Variants in POC5 observed in about 807,000 individuals in gnomAD.
The protein encoded by POC5 is centrosomal protein POC5.
A neutral mutation model predicts 62.9 loss-of-function variants in POC5; 48 were observed. That is an observed-to-expected ratio of 0.76 (90% confidence interval 0.61 to 0.97). POC5 has a LOEUF of 0.97. Ranked by LOEUF, POC5 falls within the 50% of genes least tolerant of loss-of-function variation. The probability of loss-of-function intolerance (pLI) is 0.00; values close to 1 mark genes in which losing one functional copy is unlikely to be tolerated. For synonymous variants in POC5, 236 were observed against 228.2 expected, an observed-to-expected ratio of 1.03 and a Z score of -0.31; for missense variants, 696 against 679.5, an observed-to-expected ratio of 1.02 and a Z score of -0.27.
chr5:75,692,288 T>C, intron 7 of POC5, 108 bp downstream of exon 7: 1 of 729,482 alleles, frequency 1.4e-6, no homozygotes, highest in South Asian at 3.0e-5. Flanking sequence ...GAACATTAAA[T>C]CACAAATTCA....
At chr5:75,702,953 T>G in intron 4 of POC5, 143 bp from the exon 5 acceptor site, 1 of 647,534 alleles carries the variant, frequency 1.5e-6, no homozygotes, top group Non-Finnish European at 2.7e-6. Flanking sequence ...AGGTGTACCT[T>G]AATCTATTTT....
intron 10 of POC5, among the ~76,000 whole-genome samples, chr5:75,680,280 G>A (rs16872766): frequency 0.036 from 5,530 of 152,210 alleles, 185 homozygotes; most frequent in South Asian, 0.093. Flanking sequence ...CCTCTCAGTA[G>A]CCATGATTCT....
chr5:75,678,550 T>C (rs989939150), intron 10 of POC5, among the ~76,000 whole-genome samples: 6 of 152,216 alleles, frequency 3.9e-5, no homozygotes, highest in African/African-American at 9.6e-5. Flanking sequence ...ATAATTAATA[T>C]TATCATTACA....
intron 5 of POC5, among the ~76,000 whole-genome samples, chr5:75,696,372 G>A (rs1251859841): frequency 1.3e-5 from 2 of 152,186 alleles, no homozygotes; most frequent in South Asian, 2.1e-4. Context: ...ATCTGAGAAC[G>A]GGCAGCCTGC....
At chr5:75,676,153 A>G (rs1157696510) in intron 11 of POC5, among the ~76,000 whole-genome samples, 2 of 152,164 alleles carry the variant, frequency 1.3e-5, no homozygotes, top group Non-Finnish European at 2.9e-5. Context: ...CATCATTACT[A>G]CAAAACAAAA....
intron 1 of POC5, among the ~76,000 whole-genome samples, chr5:75,716,044 G>A (rs1742520432): frequency 6.6e-6 from 1 of 152,016 alleles, no homozygotes; most frequent in Admixed American, 6.6e-5. Flanking sequence ...TAGTCACAGT[G>A]GGCTGAAAAA....
intron 10 of POC5, among the ~76,000 whole-genome samples, chr5:75,681,451 C>T (rs766874616): frequency 2.0e-5 from 3 of 152,082 alleles, no homozygotes; most frequent in Non-Finnish European, 2.9e-5. Flanking sequence ...ATGCCATCTA[C>T]TGTTCAACTT....
Position 75,705,790 on chromosome 5 carries a change from G to T in POC5, c.224-3C>A. 6.6e-7 allele frequency: 1 copy of T among 1,522,438 alleles called. No individual in the cohort carries two copies. The highest frequency in any genetic ancestry group is 8.8e-7 in the Non-Finnish European group (1 of 1,135,266). The allele number at this position is 1,522,438 out of a possible 1,614,324, so 94.3% of individuals were successfully genotyped here. ...TTCTCTTACTTCAGAGTTATTTCCT[G>T]CCAAAAAGAAAGCTTTTTAAAATTA... On this transcript the variant is annotated splice_polypyrimidine_tract_variant and splice_region_variant and intron_variant, in intron 3 of 11. Transcript: ENST00000428202.
chr5:75,708,726 A>G (rs1777223162), intron 2 of POC5, among the ~76,000 whole-genome samples: 1 of 152,186 alleles, frequency 6.6e-6, no homozygotes, highest in Non-Finnish European at 1.5e-5. Flanking sequence ...TTGTTTTTTA[A>G]AAAAGCTTAT....
chr5:75,710,650 C>T (rs1050729540), intron 2 of POC5, among the ~76,000 whole-genome samples: 1 of 152,206 alleles, frequency 6.6e-6, no homozygotes, highest in Non-Finnish European at 1.5e-5. Context: ...GGACTTCTAG[C>T]CTCCAGAACT....
intron 11 of POC5, 87 bp from the exon 12 acceptor site, chr5:75,674,665 C>A: frequency 6.8e-7 from 1 of 1,462,454 alleles, no homozygotes; most frequent in Admixed American, 1.9e-5. Context: ...TAATTTAACC[C>A]AATAAACATT....
Position 75,702,795 on chromosome 5 carries a change from A to G in POC5, c.323T>C (p.Leu108Ser), listed in dbSNP as rs1302774854. 4 of 1,576,376 alleles carry G rather than the reference A, an allele frequency of 2.5e-6. No homozygotes were observed. The highest frequency in any genetic ancestry group is 1.3e-5 in the African/African-American group (1 of 74,296). The change falls in exon 5 of 12, where the codon TTA (leucine) becomes TCA (serine). Residue 108 changes from leucine (L) to serine (S), a missense_variant. Coordinates refer to ENST00000428202, the MANE Select transcript of POC5 (RefSeq NM_001099271.2). ...TGGGTGAGAAGGCTTCCTTGGCGAT[A>G]ACACTGGTGATGACTCTGAATAAAA... ...HSKTDESSPV[L>S]SPRKPSHPVM...
chr5:75,689,621 A>G (rs1426472152), intron 8 of POC5: 10 of 985,248 alleles, frequency 1.0e-5, no homozygotes, highest in Non-Finnish European at 1.2e-5. Context: ...CCCTAGGTAC[A>G]ACACACTTTC....
chr5:75,707,760 A>T lies in POC5; in HGVS notation c.200T>A (p.Ile67Asn). 6.4e-7 allele frequency: 1 copy of T among 1,550,582 alleles called. No homozygotes were observed. The highest frequency in any genetic ancestry group is 8.8e-7 in the Non-Finnish European group (1 of 1,141,586). ...ACCTTGACTATGAAGAATATCATGAATTGTAGAAATTCTGACATCTGGCAC... is the reference window on the plus strand; with the variant it reads ...ACCTTGACTATGAAGAATATCATGATTTGTAGAAATTCTGACATCTGGCAC... Reference protein sequence around the residue: ...ELVPDVRISTIHDILHSQGNN... With the variant: ...ELVPDVRISTNHDILHSQGNN... Residue 67 changes from isoleucine (I) to asparagine (N), a missense_variant, in exon 3 of 12, where the codon ATT (isoleucine) becomes AAT (asparagine). Coordinates refer to ENST00000428202, the MANE Select transcript of POC5 (RefSeq NM_001099271.2).
chr5:75,714,479 C>G (rs1423871334), intron 1 of POC5, among the ~76,000 whole-genome samples: 1 of 152,024 alleles, frequency 6.6e-6, no homozygotes, highest in African/African-American at 2.4e-5. Flanking sequence ...TGACCTAAGT[C>G]TAGGAAGTAG....
chr5:75,710,932 A>G (rs981724494), intron 2 of POC5, among the ~76,000 whole-genome samples: 8 of 152,144 alleles, frequency 5.3e-5, no homozygotes, highest in Non-Finnish European at 1.2e-4. Flanking sequence ...TGCTCTGGAT[A>G]AGAGAAGGAA....
intron 1 of POC5, among the ~76,000 whole-genome samples, chr5:75,715,309 C>CA (rs922297009): frequency 0.098 from 5,726 of 58,328 alleles, 301 homozygotes; most frequent in Middle Eastern, 0.16. Context: ...GACTCCGTCT[C>CA]AAAAAAAAAA....
intron 11 of POC5, among the ~76,000 whole-genome samples, chr5:75,676,852 ATAAAT>A (rs1208035803): frequency 1.3e-5 from 2 of 151,466 alleles, no homozygotes; most frequent in African/African-American, 4.8e-5. Context: ...TAAAAAATAA[ATAAAT>A]AAATAAATAA....
chr5:75,686,514 G>C (rs1319807484), intron 9 of POC5, among the ~76,000 whole-genome samples: 2 of 152,142 alleles, frequency 1.3e-5, no homozygotes, highest in Non-Finnish European at 2.9e-5. Flanking sequence ...TGCCTACCTA[G>C]ATCCTTTGAA....
Sources: gnomAD v4.1 joint callset for allele counts (sites outside exome capture counted in the v4.1 genomes callset) on GRCh38, gnomAD v4.1.1 for gene constraint, MANE v1.5 for transcripts, NCBI Gene and HGNC (gene_info 2026-07-23, HGNC 2026-07-21) for gene names.